Variants in CHRNA7 observed in about 807,000 individuals in gnomAD.
CHRNA7 encodes the protein cholinergic receptor nicotinic alpha 7 subunit.
CHRNA7 carries 17 observed loss-of-function variants against 48.0 expected under a neutral mutation model. That is an observed-to-expected ratio of 0.35 (90% CI 0.24 to 0.53). CHRNA7 has a LOEUF of 0.53. Ranked by LOEUF, CHRNA7 falls within the 20% of genes least tolerant of loss-of-function variation. The pLI, the probability that CHRNA7 is intolerant of heterozygous loss-of-function variation, is 0.92. For missense variants in CHRNA7, 155 were observed against 577.7 expected, an observed-to-expected ratio of 0.27 and a Z score of 7.50; for synonymous variants, 75 against 242.3, an observed-to-expected ratio of 0.31 and a Z score of 6.41.
At chr15:32,131,773 T>C (rs1259529605) in intron 4 of CHRNA7, among the ~76,000 whole-genome samples, 1 of 152,214 alleles carries the variant, frequency 6.6e-6, no homozygotes, top group African/African-American at 2.4e-5. Flanking sequence ...TGGGTATTAT[T>C]GTTTGAGACT....
chr15:32,060,028 G>A (rs147579922), intron 2 of CHRNA7, among the ~76,000 whole-genome samples: 51 of 127,170 alleles, frequency 4.0e-4, no homozygotes, highest in African/African-American at 1.5e-3. Context: ...TTATCTGAAA[G>A]AATTGCTGGA....
intron 4 of CHRNA7, among the ~76,000 whole-genome samples, chr15:32,127,107 A>G (rs1407156270): frequency 6.6e-6 from 1 of 152,122 alleles, no homozygotes; most frequent in African/African-American, 2.4e-5. Flanking sequence ...TCATTGTGGC[A>G]TTTCAAGAAT....
At chr15:32,036,420 T>TA (rs540836106) in intron 2 of CHRNA7, among the ~76,000 whole-genome samples, 1 of 152,188 alleles carries the variant, frequency 6.6e-6, no homozygotes, top group African/African-American at 2.4e-5. Context: ...TACGTGAACA[T>TA]AAGGTTTCAA....
intron 2 of CHRNA7, among the ~76,000 whole-genome samples, chr15:32,052,507 G>A (rs1226652513): frequency 6.6e-6 from 1 of 152,104 alleles, no homozygotes; most frequent in Non-Finnish European, 1.5e-5. Context: ...AAAGAGGGTA[G>A]ATCACAAGGT....
chr15:32,110,452 A>G (rs2050744719), intron 3 of CHRNA7, among the ~76,000 whole-genome samples: 1 of 152,190 alleles, frequency 6.6e-6, no homozygotes, highest in Non-Finnish European at 1.5e-5. Flanking sequence ...ACACATCCTC[A>G]TTCCTGGAGG....
At position 32,040,696 on chromosome 15, in the gene CHRNA7, A is replaced by G. The variant is rs186326622; in HGVS notation, c.195+9659A>G. Among the ~76,000 whole-genome samples the G allele has an allele frequency of 9.2e-5, 14 of 151,984 alleles. No homozygotes were observed. In the South Asian group the frequency reaches 1.5e-3, roughly 16 times the overall value. On this transcript the variant is annotated intron_variant, in intron 2 of 9. Coordinates refer to ENST00000306901, the MANE Select transcript of CHRNA7 (RefSeq NM_000746.6). Reference sequence around the variant, plus strand: ...ATTTTTGCTATTGTTACTTTGAACAAACTGTTATCTGTTAGATAAATTAAT... The same window carrying G: ...ATTTTTGCTATTGTTACTTTGAACAGACTGTTATCTGTTAGATAAATTAAT...
chr15:32,097,696 A>C lies in CHRNA7; in HGVS notation c.196-3607A>C, dbSNP rs527684274. ...ATTGCAGGCCCCTAGGTTCCTGTGG[A>C]ATACTGTTCTTCGGGAGACTAAATG... On this transcript the variant is annotated intron_variant, in intron 2 of 9. Coordinates refer to ENST00000306901, the MANE Select transcript of CHRNA7 (RefSeq NM_000746.6). 2.0e-5 allele frequency among the ~76,000 whole-genome samples: 3 copies of C among 152,348 alleles called. No homozygotes were observed. In the South Asian group the frequency reaches 6.2e-4, roughly 32 times the overall value.
At chr15:32,069,125 A>T (rs2141215372) in intron 2 of CHRNA7, among the ~76,000 whole-genome samples, 1 of 152,354 alleles carries the variant, frequency 6.6e-6, no homozygotes, top group Non-Finnish European at 1.5e-5. Flanking sequence ...ATTAGGCTTA[A>T]ATTAGACCTA....
At chr15:32,052,704 G>T (rs1277862154) in intron 2 of CHRNA7, among the ~76,000 whole-genome samples, 1 of 152,008 alleles carries the variant, frequency 6.6e-6, no homozygotes, top group Non-Finnish European at 1.5e-5. Flanking sequence ...ACTCCAGCCT[G>T]GTGACAGAGC....
intron 2 of CHRNA7, among the ~76,000 whole-genome samples, chr15:32,034,570 G>A (rs1327506861): frequency 2.6e-5 from 4 of 152,158 alleles, no homozygotes; most frequent in African/African-American, 9.7e-5. Context: ...CTGCAAGTTT[G>A]CATTTCACCT....
At chr15:32,147,504 G>A (rs2051515593) in intron 4 of CHRNA7, among the ~76,000 whole-genome samples, 1 of 152,186 alleles carries the variant, frequency 6.6e-6, no homozygotes. Context: ...AGTGAGCCAC[G>A]ATCGCACCAC....
chr15:32,111,801 TC>T lies in CHRNA7; in HGVS notation c.253del (p.His85ThrfsTer13), dbSNP rs1319519269. On this transcript the variant is annotated frameshift_variant, in exon 4 of 10. Coordinates refer to ENST00000306901, the MANE Select transcript of CHRNA7 (RefSeq NM_000746.6). LOFTEE classifies it high-confidence loss of function. ...ATTGTGTGTGTCAGTCTTGGACAGA[TC>T]ACTATTTACAGTGGAATGTGTCAGA... ...NIWLQMSWTD[H>X]YLQWNVSEYP... is the part of the protein sequence containing the mutation. 6.2e-7 allele frequency: 1 copy of T among 1,610,432 alleles called. No individual in the cohort carries two copies.
chr15:32,094,359 G>A (rs1353038813), intron 2 of CHRNA7, among the ~76,000 whole-genome samples: 1 of 152,198 alleles, frequency 6.6e-6, no homozygotes, highest in African/African-American at 2.4e-5. Context: ...TTAATTTTCA[G>A]TGGGAACCAA....
intron 2 of CHRNA7, among the ~76,000 whole-genome samples, chr15:32,049,420 T>C (rs987747105): frequency 3.3e-5 from 5 of 152,164 alleles, no homozygotes; most frequent in African/African-American, 1.2e-4. Flanking sequence ...TTGTCTCTTT[T>C]GATCTTTGTT....
intron 4 of CHRNA7, among the ~76,000 whole-genome samples, chr15:32,130,450 TTTCTC>T (rs1460385585): frequency 9.9e-5 from 15 of 151,588 alleles, no homozygotes; most frequent in South Asian, 2.1e-4. Flanking sequence ...ATAATTTTCT[TTTCTC>T]TAAGATCTGC....
intron 2 of CHRNA7, among the ~76,000 whole-genome samples, chr15:32,032,465 A>G (rs148848930): frequency 1.1e-3 from 166 of 152,330 alleles, no homozygotes; most frequent in African/African-American, 3.6e-3. Flanking sequence ...ACTGTCAGTC[A>G]TTGTGATCAA....
At chr15:32,088,196 C>A (rs138685038) in intron 2 of CHRNA7, among the ~76,000 whole-genome samples, 1 of 152,152 alleles carries the variant, frequency 6.6e-6, no homozygotes, top group East Asian at 1.9e-4. Context: ...CAATATGTAG[C>A]CTTTTCGGCC....
Position 32,038,056 on chromosome 15 carries a change from G to GTATATATATATATATA in CHRNA7, c.195+7020_195+7035dup, listed in dbSNP as rs71424637. On this transcript the variant is annotated intron_variant, in intron 2 of 9. Transcript: ENST00000306901. ...TGTTAGCTATAGGTTTTTTGGATATGTATATATATATATATAAATATACAT... is the reference window on the plus strand; with the variant it reads ...TGTTAGCTATAGGTTTTTTGGATATGTATATATATATATATATATATATATATATATAAATATACAT... Among the ~76,000 whole-genome samples, 3 of 144,216 alleles carry GTATATATATATATATA rather than the reference G, an allele frequency of 2.1e-5. 1 individual carries two copies. The South Asian group carries it at 6.4e-4, about 31-fold the overall frequency. 94.6% of individuals were successfully genotyped at this position (144,216 alleles called of 152,430 possible).
intron 2 of CHRNA7, among the ~76,000 whole-genome samples, chr15:32,083,568 G>A (rs2050249360): frequency 6.6e-6 from 1 of 152,162 alleles, no homozygotes; most frequent in Non-Finnish European, 1.5e-5. Flanking sequence ...TACATGTGAA[G>A]GGATGAGATA....
Sources: allele counts gnomAD v4.1 joint callset (sites outside exome capture counted in the v4.1 genomes callset), GRCh38; gene constraint gnomAD v4.1.1; transcripts MANE v1.5; gene names NCBI Gene and HGNC (gene_info 2026-07-23, HGNC 2026-07-21).